XDH: variants seen among roughly 807,000 people sequenced by gnomAD.
XDH encodes xanthine dehydrogenase.
A neutral mutation model predicts 156.1 loss-of-function variants in XDH; 138 were observed. That is an observed-to-expected ratio of 0.88 (90% CI 0.77 to 1.02). XDH has a LOEUF of 1.02. XDH is among the 50% of genes least tolerant of loss of function. The pLI is 0.00. For missense variants in XDH, 1,849 were observed against 1,684.9 expected, an observed-to-expected ratio of 1.10 and a Z score of -1.71; for synonymous variants, 669 against 625.7, an observed-to-expected ratio of 1.07 and a Z score of -1.03.
rs1686479772 is a variant in XDH, at chr2:31,383,046, C to T, written c.993G>A (p.Leu331=). 1.2e-6 allele frequency: 2 copies of T among 1,614,218 alleles called. No individual in the cohort carries two copies. The highest frequency in any genetic ancestry group is 1.7e-6 in the Non-Finnish European group (2 of 1,180,040). ...AQKTEVFRGV[L]EQLRWFAGKQ... ...TCCCAGCAAACCAGCGCAGCTGCTCCAGGACCCCTCTGAACACCTCTGTCT... is the reference window on the plus strand; with the variant it reads ...TCCCAGCAAACCAGCGCAGCTGCTCTAGGACCCCTCTGAACACCTCTGTCT... Residue 331 remains leucine (L), a synonymous_variant, in exon 11 of 36, where the codon CTG becomes CTA. Transcript: ENST00000379416.
Position 31,383,127 on chromosome 2 carries a change from G to C in XDH, c.912C>G (p.Pro304=). The C allele has an allele frequency of 6.2e-7, 1 of 1,614,182 alleles. No individual in the cohort carries two copies. Among genetic ancestry groups the C allele is most frequent in the Non-Finnish European group, 8.5e-7 (1 of 1,180,038 alleles). Residue 304 remains proline, a synonymous_variant, in exon 11 of 36, where the codon CCC becomes CCG. Transcript: ENST00000379416. The part of the protein sequence containing the change: ...PDGISFGAAC[P]LSIVEKTLVD... ...CCAGGGTTTTTTCCACAATGCTCAGGGGGCAAGCAGCTCCAAAGGAGATAC... is the reference window on the plus strand; with the variant it reads ...CCAGGGTTTTTTCCACAATGCTCAGCGGGCAAGCAGCTCCAAAGGAGATAC...
chr2:31,382,082 A>AGAG (rs1230782434), intron 11 of XDH, among the ~76,000 whole-genome samples: 3 of 152,204 alleles, frequency 2.0e-5, no homozygotes, highest in African/African-American at 7.2e-5. Context: ...TCAAGGAAAG[A>AGAG]GAGGAGGAAG....
At chr2:31,344,354 G>A (rs1288193825) in intron 31 of XDH, among the ~76,000 whole-genome samples, 1 of 152,172 alleles carries the variant, frequency 6.6e-6, no homozygotes, top group Non-Finnish European at 1.5e-5. Flanking sequence ...GGAATGGTTA[G>A]GTACTGGCCC....
At chr2:31,358,678 G>A (rs1685690347) in intron 24 of XDH, among the ~76,000 whole-genome samples, 1 of 152,070 alleles carries the variant, frequency 6.6e-6, no homozygotes, top group African/African-American at 2.4e-5. Flanking sequence ...ATCAGTCAGT[G>A]CAGAAAAAGC....
chr2:31,368,448 C>A, intron 19 of XDH, 93 bp downstream of exon 19: 1 of 1,527,436 alleles, frequency 6.5e-7, no homozygotes, highest in Non-Finnish European at 9.0e-7. Flanking sequence ...AAATCCCTAC[C>A]TGCTGCTCAA....
intron 15 of XDH, among the ~76,000 whole-genome samples, chr2:31,374,680 T>G (rs916382931): frequency 6.6e-6 from 1 of 152,226 alleles, no homozygotes. Flanking sequence ...CTGCTGTCCC[T>G]GCATCAGTGA....
rs2148774904 is a variant in XDH at position 31,375,496 on chromosome 2, G to C, written c.1486C>G (p.Leu496Val). 6.2e-7 allele frequency: 1 copy of C among 1,614,142 alleles called. No individual in the cohort carries two copies. Among genetic ancestry groups the C allele is most frequent in the East Asian group, 2.2e-5 (1 of 44,882 alleles). The change falls in exon 15 of 36, where the codon CTG becomes GTG. Residue 496 changes from leucine (L) to valine (V), a missense_variant. By Grantham distance (32) the Leu-to-Val change is conservative. Coordinates refer to ENST00000379416, the MANE Select transcript of XDH (RefSeq NM_000379.4). ...VCAGLAEELH[L>V]PPDAPGGMVD... ...ATGCCACCAGGGGCATCGGGAGGCA[G>C]ATGCAGCTCCTCTGCCAGTCCTGCA...
At chr2:31,400,752 A>G (rs1687035750) in intron 4 of XDH, among the ~76,000 whole-genome samples, 1 of 152,256 alleles carries the variant, frequency 6.6e-6, no homozygotes, top group Non-Finnish European at 1.5e-5. Flanking sequence ...GAGGCCTAGC[A>G]GTTTACATTT....
Position 31,339,553 on chromosome 2 carries a change from G to C in XDH, c.3710C>G (p.Pro1237Arg), listed in dbSNP as rs200177886. The C allele has an allele frequency of 6.2e-7, 1 of 1,614,230 alleles. No individual in the cohort carries two copies. The highest frequency in any genetic ancestry group is 2.2e-5 in the East Asian group (1 of 44,864). Residue 1237 changes from proline (P) to arginine (R), a missense_variant, in exon 34 of 36, where the codon CCC becomes CGC. Transcript: ENST00000379416. ...GAGCAGGGACACCCTGAACTCAATG[G>C]GGATGCTGCCAAATGCCGGGATCTT... ...TYKIPAFGSI[P>R]IEFRVSLLRD...
intron 9 of XDH, 75 bp from the exon 10 acceptor site, chr2:31,383,922 C>T: frequency 1.6e-6 from 2 of 1,250,230 alleles, no homozygotes; most frequent in Non-Finnish European, 1.2e-6. Context: ...GCTTTTCTCA[C>T]CATTACACAC....
intron 30 of XDH, among the ~76,000 whole-genome samples, chr2:31,345,800 T>C (rs1021604444): frequency 3.9e-5 from 6 of 152,242 alleles, no homozygotes; most frequent in African/African-American, 7.2e-5. Context: ...CCAGGCACAC[T>C]GGTCTACATG....
chr2:31,388,315 C>CT lies in XDH; in HGVS notation c.496-21dup. 6.2e-7 allele frequency: 1 copy of CT among 1,613,044 alleles called. No homozygotes were observed. Among genetic ancestry groups the CT allele is most frequent in the Non-Finnish European group, 8.5e-7 (1 of 1,179,010 alleles). On this transcript the variant is annotated intron_variant, in intron 6 of 35. Transcript: ENST00000379416. ...ACCATCCTAGAGAGATGATGAACAT[C>CT]TGCACAAGGGTATTTACAAAGAGTA...
At chr2:31,395,048 T>C (rs1476197687) in intron 6 of XDH, among the ~76,000 whole-genome samples, 1 of 152,256 alleles carries the variant, frequency 6.6e-6, no homozygotes, top group African/African-American at 2.4e-5. Flanking sequence ...CTGCTGTTTG[T>C]TCAGTCTCTT....
At chr2:31,360,293 T>C (rs1685743464) in intron 24 of XDH, among the ~76,000 whole-genome samples, 1 of 152,148 alleles carries the variant, frequency 6.6e-6, no homozygotes, top group African/African-American at 2.4e-5. Context: ...AGGTCAGAAG[T>C]TCGAGACCAG....
At position 31,365,639 on chromosome 2, in the gene XDH, T is replaced by C. The variant is rs1469647839; in HGVS notation, c.2457-95A>G. ...TAAAAACAGCCGGGAAGCCATCTTT[T>C]CCACCTGCACGCTGAGCAGACCTGT... On this transcript the variant is annotated intron_variant, in intron 22 of 35. Coordinates refer to ENST00000379416, the MANE Select transcript of XDH (RefSeq NM_000379.4). 8.4e-6 allele frequency: 12 copies of C among 1,433,998 alleles called. No homozygotes were observed. The East Asian group carries it at 2.7e-4, about 33-fold the overall frequency. The allele number at this position is 1,433,998 out of a possible 1,614,324, so 88.8% of individuals were successfully genotyped here.
Position 31,377,039 on chromosome 2 carries a change from C to G in XDH, c.1427+14G>C. 7.4e-6 allele frequency: 12 copies of G among 1,614,054 alleles called. No homozygotes were observed. The highest frequency in any genetic ancestry group is 1.0e-5 in the Non-Finnish European group (12 of 1,179,990). ...CAACATTAGCAGCAGTTTCATTGTG[C>G]TGTTAGCTCTTACTTGGAAAGCTGC... On this transcript the variant is annotated intron_variant, in intron 14 of 35. Transcript: ENST00000379416.
chr2:31,380,000 G>A (rs752764368), intron 12 of XDH, 24 bp from the exon 13 acceptor site: 13 of 1,610,080 alleles, frequency 8.1e-6, no homozygotes, highest in Non-Finnish European at 1.1e-5. Flanking sequence ...AGATGAAGAG[G>A]AGCCAAAGTG....
In XDH at chr2:31,364,168, A is replaced by G. The variant is rs1310840942; in HGVS notation, c.2621T>C (p.Leu874Pro). The G allele has an allele frequency of 6.2e-7, 1 of 1,614,056 alleles. No homozygotes were observed. The highest frequency in any genetic ancestry group is 1.1e-5 in the South Asian group (1 of 91,074). The change falls in exon 24 of 36, where the codon CTC becomes CCC. Residue 874 changes from leucine to proline, a missense_variant. Transcript: ENST00000379416. ...HFSNVGNTQD[L>P]SQSIMERALF... Reference sequence around the variant, plus strand: ...GCAGGTCCTACTCACACTCTGAGAGAGATCCTGGGTGTTCCCCACATTGCT... The same window carrying G: ...GCAGGTCCTACTCACACTCTGAGAGGGATCCTGGGTGTTCCCCACATTGCT...
At chr2:31,352,057 G>C (rs1287658680) in intron 24 of XDH, among the ~76,000 whole-genome samples, 2 of 152,066 alleles carry the variant, frequency 1.3e-5, no homozygotes, top group African/African-American at 4.8e-5. Context: ...AAAATTTTTT[G>C]AATTATTGAT....
Sources: allele counts gnomAD v4.1 joint callset (sites outside exome capture counted in the v4.1 genomes callset), GRCh38; gene constraint gnomAD v4.1.1; transcripts MANE v1.5; gene names NCBI Gene and HGNC (gene_info 2026-07-23, HGNC 2026-07-21).